C8orf34: variants seen among roughly 807,000 people sequenced by gnomAD.
The protein encoded by C8orf34 is chromosome 8 open reading frame 34, also known as uncharacterized protein C8orf34.
Under a neutral mutation model 68.3 loss-of-function variants are expected in C8orf34, and 65 were observed. The ratio of observed to expected loss-of-function variants is 0.95; its 90% CI spans 0.78 to 1.17. The LOEUF is 1.17. C8orf34 is among the 50% of genes most tolerant of loss of function. The pLI, the probability that C8orf34 is intolerant of heterozygous loss-of-function variation, is 0.00. For synonymous variants in C8orf34, 244 were observed against 241.2 expected (o/e 1.01, Z -0.11); for missense variants, 664 against 655.4 (o/e 1.01, Z -0.14).
chr8:68,628,550 A>C (rs538248681), intron 7 of C8orf34, among the ~76,000 whole-genome samples: 1 of 152,286 alleles, frequency 6.6e-6, no homozygotes, highest in Admixed American at 6.5e-5. Flanking sequence ...TTTATTTTTA[A>C]TAATTCACTC....
intron 1 of C8orf34, among the ~76,000 whole-genome samples, chr8:68,355,863 AG>A (rs907899401): frequency 5.3e-5 from 8 of 152,310 alleles, no homozygotes; most frequent in African/African-American, 1.9e-4. Flanking sequence ...CATCTCAGAG[AG>A]GCAACTTGGA....
intron 10 of C8orf34, among the ~76,000 whole-genome samples, chr8:68,753,168 A>G (rs1386293445): frequency 6.6e-6 from 1 of 152,230 alleles, no homozygotes; most frequent in Non-Finnish European, 1.5e-5. Flanking sequence ...GTTCTCGTAG[A>G]TAAAGGAAAT....
chr8:68,421,046 C>T (rs369683150), intron 1 of C8orf34, among the ~76,000 whole-genome samples: 3 of 151,950 alleles, frequency 2.0e-5, no homozygotes, highest in African/African-American at 7.3e-5. Flanking sequence ...GGTGTTAACC[C>T]ATAGATTTAA....
chr8:68,535,561 G>A, intron 7 of C8orf34: 5 of 863,050 alleles, frequency 5.8e-6, no homozygotes, highest in Non-Finnish European at 5.6e-6. Context: ...AATAACTATT[G>A]ACTCTTGTTT....
At chr8:68,797,266 C>G (rs998007602) in intron 12 of C8orf34, among the ~76,000 whole-genome samples, 4 of 152,152 alleles carry the variant, frequency 2.6e-5, no homozygotes, top group African/African-American at 9.7e-5. Flanking sequence ...AGTCTTAATT[C>G]TCTCAATTTA....
At chr8:68,743,421 G>T (rs1822364382) in intron 10 of C8orf34, among the ~76,000 whole-genome samples, 1 of 152,216 alleles carries the variant, frequency 6.6e-6, no homozygotes, top group South Asian at 2.1e-4. Context: ...CGACGCAGAA[G>T]ACGGGTGATT....
chr8:68,419,608 G>T (rs1419411060), intron 1 of C8orf34, among the ~76,000 whole-genome samples: 1 of 151,570 alleles, frequency 6.6e-6, no homozygotes. Context: ...ACTGGATTAA[G>T]AAAATGTGGC....
intron 6 of C8orf34, 109 bp downstream of exon 6, chr8:68,522,080 A>G: frequency 2.0e-6 from 2 of 1,004,646 alleles, no homozygotes; most frequent in Non-Finnish European, 2.9e-6. Context: ...AATTTTTTAT[A>G]GAAAATTATG....
chr8:68,576,367 G>A (rs1816907333), intron 7 of C8orf34, among the ~76,000 whole-genome samples: 1 of 150,980 alleles, frequency 6.6e-6, no homozygotes, highest in African/African-American at 2.5e-5. Flanking sequence ...CATTCAAGCA[G>A]ATTTTTCCTT....
At chr8:68,448,331 T>C (rs1311143391) in intron 3 of C8orf34, among the ~76,000 whole-genome samples, 1 of 151,794 alleles carries the variant, frequency 6.6e-6, no homozygotes, top group African/African-American at 2.4e-5. Context: ...GCAAAAATAA[T>C]AATAAAATAG....
At chr8:68,613,088 T>A (rs1040999264) in intron 7 of C8orf34, among the ~76,000 whole-genome samples, 1 of 152,124 alleles carries the variant, frequency 6.6e-6, no homozygotes, top group Admixed American at 6.6e-5. Context: ...AGAATATGTA[T>A]TTTTCTTCTA....
chr8:68,732,862 C>T (rs193054772), intron 10 of C8orf34, among the ~76,000 whole-genome samples: 4 of 152,176 alleles, frequency 2.6e-5, no homozygotes, highest in African/African-American at 7.2e-5. Flanking sequence ...CAGGAGTTTG[C>T]GATCAGCCTG....
At chr8:68,397,968 C>T (rs1808789997) in intron 1 of C8orf34, among the ~76,000 whole-genome samples, 1 of 152,004 alleles carries the variant, frequency 6.6e-6, no homozygotes, top group African/African-American at 2.4e-5. Context: ...GGGGTTTTAC[C>T]ATGTTGGCCA....
At chr8:68,744,519 C>G (rs1191114261) in intron 10 of C8orf34, among the ~76,000 whole-genome samples, 1 of 150,684 alleles carries the variant, frequency 6.6e-6, no homozygotes, top group Non-Finnish European at 1.5e-5. Context: ...CTAGAATAAC[C>G]AATACAGAGA....
chr8:68,688,894 G>A (rs1412192501), intron 8 of C8orf34, among the ~76,000 whole-genome samples: 3 of 152,016 alleles, frequency 2.0e-5, no homozygotes, highest in Non-Finnish European at 4.4e-5. Flanking sequence ...TAATACCTAC[G>A]TGATGGGTTG....
At chr8:68,525,891 C>A in intron 6 of C8orf34, 2 of 273,910 alleles carry the variant, frequency 7.3e-6, no homozygotes, top group Non-Finnish European at 1.4e-5. Context: ...TCAACCAAGA[C>A]ATTCATGTGC....
chr8:68,594,105 C>T (rs1401889376), intron 7 of C8orf34, among the ~76,000 whole-genome samples: 1 of 151,862 alleles, frequency 6.6e-6, no homozygotes, highest in Non-Finnish European at 1.5e-5. Flanking sequence ...TAGTGAAAGT[C>T]TTGTGGTCTT....
intron 1 of C8orf34, among the ~76,000 whole-genome samples, chr8:68,371,439 A>T (rs1807556135): frequency 9.5e-6 from 1 of 105,470 alleles, no homozygotes; most frequent in African/African-American, 5.8e-5. Flanking sequence ...TCTATATGAC[A>T]TCTTATAAGA....
At chr8:68,552,627 A>G (rs557351296) in intron 7 of C8orf34, among the ~76,000 whole-genome samples, 5 of 152,248 alleles carry the variant, frequency 3.3e-5, no homozygotes, top group African/African-American at 9.6e-5. Context: ...ATAGAAGTGA[A>G]CAGAGTGGAC....
Sources: gnomAD v4.1 joint callset for allele counts (sites outside exome capture counted in the v4.1 genomes callset) on GRCh38, gnomAD v4.1.1 for gene constraint, MANE v1.5 for transcripts, NCBI Gene and HGNC (gene_info 2026-07-23, HGNC 2026-07-21) for gene names.